Variants in WWOX observed in about 807,000 individuals in gnomAD.
WWOX encodes WW domain-containing oxidoreductase.
WWOX carries 69 observed loss-of-function variants against 46.2 expected under a neutral mutation model. The ratio of observed to expected loss-of-function variants is 1.49; its 90% CI spans 1.23 to 1.82. The LOEUF is 1.82. Ranked by LOEUF, WWOX falls within the 40% of genes most tolerant of loss-of-function variation. The probability of loss-of-function intolerance (pLI) is 0.00; values close to 1 mark genes in which losing one functional copy is unlikely to be tolerated. For missense variants in WWOX, 919 were observed against 542.6 expected (o/e 1.69, Z -6.89); for synonymous variants, 359 against 202.6 (o/e 1.77, Z -6.56).
chr16:78,658,933 A>C (rs986659167), intron 8 of WWOX, among the ~76,000 whole-genome samples: 1 of 147,492 alleles, frequency 6.8e-6, no homozygotes, highest in African/African-American at 2.5e-5. Context: ...CTCTATTAAA[A>C]ATACAAAAAT....
At chr16:78,558,025 G>T (rs2044348376) in intron 8 of WWOX, among the ~76,000 whole-genome samples, 1 of 152,080 alleles carries the variant, frequency 6.6e-6, no homozygotes, top group Non-Finnish European at 1.5e-5. Flanking sequence ...ACAGTGCCAA[G>T]CACATAGTCG....
intron 8 of WWOX, among the ~76,000 whole-genome samples, chr16:79,039,783 C>T (rs866472757): frequency 3.5e-4 from 54 of 152,290 alleles, no homozygotes; most frequent in African/African-American, 1.3e-3. Flanking sequence ...ACCTCGAAAT[C>T]TCCCTTCTCT....
At chr16:78,524,175 C>G (rs2043407810) in intron 8 of WWOX, among the ~76,000 whole-genome samples, 1 of 152,124 alleles carries the variant, frequency 6.6e-6, no homozygotes, top group Non-Finnish European at 1.5e-5. Context: ...CTCTTTTTCT[C>G]TTTATAAAGT....
intron 5 of WWOX, among the ~76,000 whole-genome samples, chr16:78,201,136 G>A (rs1190394854): frequency 6.6e-6 from 1 of 152,148 alleles, no homozygotes; most frequent in Non-Finnish European, 1.5e-5. Context: ...AAATGTTTTT[G>A]TCTTAAGGTG....
chr16:78,992,046 C>G (rs78671495), intron 8 of WWOX, among the ~76,000 whole-genome samples: 1,636 of 152,328 alleles, frequency 0.011, 35 homozygotes, highest in African/African-American at 0.037. Context: ...GCTCTCCTTT[C>G]ACATGCATGC....
At chr16:78,421,770 G>A (rs566910378) in intron 6 of WWOX, among the ~76,000 whole-genome samples, 1 of 152,300 alleles carries the variant, frequency 6.6e-6, no homozygotes, top group African/African-American at 2.4e-5. Flanking sequence ...TTACAGTCAT[G>A]TGCTGACAAT....
chr16:78,338,507 A>G lies in WWOX; in HGVS notation c.517-48353A>G, dbSNP rs1159799152. 1.6e-5 allele frequency among the ~76,000 whole-genome samples: 2 copies of G among 121,858 alleles called. 1 individual carries two copies. Among genetic ancestry groups the G allele is most frequent in the Non-Finnish European group, 3.9e-5 (2 of 50,938 alleles). 79.9% of individuals were successfully genotyped at this position (121,858 alleles called of 152,430 possible). ...TTATGGAGTTAAGGGCACATAAAAT[A>G]TTCTTACAGAGAGAAATTCTGTAGT... On this transcript the variant is annotated intron_variant, in intron 5 of 8. Coordinates refer to ENST00000566780, the MANE Select transcript of WWOX (RefSeq NM_016373.4).
chr16:78,165,208 T>G (rs1040074443), intron 5 of WWOX, among the ~76,000 whole-genome samples: 20 of 152,212 alleles, frequency 1.3e-4, no homozygotes, highest in Admixed American at 1.3e-4. Flanking sequence ...TGTTTGATTT[T>G]TGAAACATCG....
At chr16:78,917,041 A>G (rs2045268070) in intron 8 of WWOX, among the ~76,000 whole-genome samples, 1 of 152,166 alleles carries the variant, frequency 6.6e-6, no homozygotes, top group East Asian at 1.9e-4. Flanking sequence ...CTTATGACAA[A>G]TGTTGACTCT....
chr16:79,208,197 T>A (rs1027665379), intron 8 of WWOX, among the ~76,000 whole-genome samples: 2 of 152,320 alleles, frequency 1.3e-5, no homozygotes, highest in Middle Eastern at 3.4e-3. Flanking sequence ...TCACAAATGT[T>A]TGACTAGATC....
At chr16:79,116,022 A>C (rs557623875) in intron 8 of WWOX, among the ~76,000 whole-genome samples, 1 of 152,352 alleles carries the variant, frequency 6.6e-6, no homozygotes, top group East Asian at 1.9e-4. Flanking sequence ...AAAGTTGCTT[A>C]CACGATATAA....
At chr16:78,664,156 G>C (rs1597412746) in intron 8 of WWOX, among the ~76,000 whole-genome samples, 1 of 152,178 alleles carries the variant, frequency 6.6e-6, no homozygotes, top group Non-Finnish European at 1.5e-5. Context: ...GAGCAACTAA[G>C]GTGACCAGGT....
chr16:78,621,592 C>CTTTTCTTTTTTTTTTTTTTTTTTTT (rs2046184654), intron 8 of WWOX, among the ~76,000 whole-genome samples: 1 of 31,512 alleles, frequency 3.2e-5, no homozygotes, highest in Non-Finnish European at 5.9e-5. Flanking sequence ...TTGTTCTAAT[C>CTTTTCTTTTTTTTTTTTTTTTTTTT]TTTTTTTTTT....
chr16:78,509,756 T>G (rs550318792), intron 8 of WWOX, among the ~76,000 whole-genome samples: 2 of 152,204 alleles, frequency 1.3e-5, no homozygotes, highest in East Asian at 3.9e-4. Flanking sequence ...TAATGCAGAT[T>G]AAATTGAAGC....
At chr16:78,782,909 C>G (rs965099018) in intron 8 of WWOX, among the ~76,000 whole-genome samples, 6 of 152,100 alleles carry the variant, frequency 3.9e-5, no homozygotes, top group Admixed American at 1.3e-4. Flanking sequence ...TGTTTTATAT[C>G]TATTACAAAG....
At chr16:79,101,099 T>G (rs2049183758) in intron 8 of WWOX, 1 of 152,322 alleles carries the variant, frequency 6.6e-6, no homozygotes, top group Admixed American at 6.5e-5. Flanking sequence ...AAACGGCCAC[T>G]CAGAAATGGT....
At chr16:78,462,022 C>T (rs2083963010) in intron 8 of WWOX, among the ~76,000 whole-genome samples, 1 of 152,170 alleles carries the variant, frequency 6.6e-6, no homozygotes, top group Non-Finnish European at 1.5e-5. Flanking sequence ...TGGTTTTAGC[C>T]CTCAGGCAAT....
chr16:78,378,364 C>G (rs752915171), intron 5 of WWOX, among the ~76,000 whole-genome samples: 2 of 152,146 alleles, frequency 1.3e-5, no homozygotes, highest in African/African-American at 4.8e-5. Context: ...AACTCCCCAT[C>G]AGACTGGCAC....
rs371815827 is a variant in WWOX, at chr16:78,624,243, G to A, written c.1056+191491G>A. 3.3e-4 allele frequency among the ~76,000 whole-genome samples: 48 copies of A among 146,790 alleles called. 1 individual carries two copies. Among genetic ancestry groups the A allele is most frequent in the African/African-American group, 1.1e-3 (43 of 39,854 alleles). On this transcript the variant is annotated intron_variant, in intron 8 of 8. Transcript: ENST00000566780. ...TTTTTCGTGGAATCATGTTCCCTTCGGAAAACTCCCTGGGTGCCCCAGCAT... is the reference window on the plus strand; with the variant it reads ...TTTTTCGTGGAATCATGTTCCCTTCAGAAAACTCCCTGGGTGCCCCAGCAT...
Sources: gnomAD v4.1 joint callset for allele counts (sites outside exome capture counted in the v4.1 genomes callset) on GRCh38, gnomAD v4.1.1 for gene constraint, MANE v1.5 for transcripts, NCBI Gene and HGNC (gene_info 2026-07-23, HGNC 2026-07-21) for gene names.